The following PIK3C2G variants were observed in gnomAD, a reference collection of about 807,000 sequenced individuals.
PIK3C2G encodes the protein phosphatidylinositol 3-kinase C2 domain-containing subunit gamma.
In PIK3C2G, 168 loss-of-function variants were observed where a neutral mutation model predicts 181.1. The observed-to-expected ratio is 0.93, with a 90% CI of 0.82 to 1.05. PIK3C2G has a LOEUF of 1.05. Among genes scored for constraint, PIK3C2G ranks in the 50% least tolerant of loss-of-function variants. PIK3C2G has a pLI of 0.00. For synonymous variants in PIK3C2G, 573 were observed against 592.2 expected (o/e 0.97, Z 0.47); for missense variants, 1,869 against 1,732.8 (o/e 1.08, Z -1.40).
rs757591918 is a variant in PIK3C2G at position 18,609,545 on chromosome 12, T to A, written c.4098T>A (p.Phe1366Leu). Residue 1366 changes from phenylalanine to leucine, a missense_variant, in exon 31 of 33, where the codon TTT becomes TTA. Transcript: ENST00000538779. ...ESSPVYLGEK[F>L]PDKKPKVQLV... ...CTATTCTTTTATCAGGTGAGAAGTT[T>A]CCAGACAAGAAGCCTAAGGTGCAGT... The A allele has an allele frequency of 6.3e-7, 1 of 1,577,846 alleles. No homozygotes were observed. Among genetic ancestry groups the A allele is most frequent in the South Asian group, 1.2e-5 (1 of 86,218 alleles).
chr12:18,287,003 C>A, intron 3 of PIK3C2G, 74 bp downstream of exon 3: 1 of 617,360 alleles, frequency 1.6e-6, no homozygotes, highest in Non-Finnish European at 2.6e-6. Flanking sequence ...CATCACTGAA[C>A]TGATTAATTT....
intron 30 of PIK3C2G, among the ~76,000 whole-genome samples, chr12:18,609,022 G>A (rs984714608): frequency 2.0e-5 from 3 of 152,028 alleles, no homozygotes; most frequent in Admixed American, 6.6e-5. Context: ...CTTACTACGT[G>A]ACAACTTTTG....
chr12:18,517,031 C>CTT (rs3983627), intron 24 of PIK3C2G, among the ~76,000 whole-genome samples: 17,680 of 139,680 alleles, frequency 0.13, 1,558 homozygotes, highest in South Asian at 0.37. Flanking sequence ...TTTGCTTTTC[C>CTT]TTTTTTTTTT....
At position 18,362,771 on chromosome 12, in the gene PIK3C2G, G is replaced by A. The variant is rs1941355434; in HGVS notation, c.1633G>A (p.Ala545Thr). 6.6e-7 allele frequency: 1 copy of A among 1,516,566 alleles called. No homozygotes were observed. The highest frequency in any genetic ancestry group is 8.8e-7 in the Non-Finnish European group (1 of 1,140,956). The allele number at this position is 1,516,566 out of a possible 1,614,324, so 93.9% of individuals were successfully genotyped here. Residue 545 changes from alanine (A) to threonine (T), a missense_variant, in exon 12 of 33, where the codon GCG (alanine) becomes ACG (threonine). Transcript: ENST00000538779. ...IPETWVHSYK[A>T]FSFTCWLTYA... ...GATGTTGTTTCATTTTAGCTACAAA[G>A]CGTTTTCTTTTACCTGTTGGCTTAC...
At chr12:18,626,427 G>A (rs534518524) in intron 31 of PIK3C2G, among the ~76,000 whole-genome samples, 1 of 151,796 alleles carries the variant, frequency 6.6e-6, no homozygotes, top group East Asian at 1.9e-4. Context: ...TTTGTGCCTG[G>A]GATAATATTA....
At chr12:18,514,973 T>C (rs1385953544) in intron 24 of PIK3C2G, among the ~76,000 whole-genome samples, 2 of 152,058 alleles carry the variant, frequency 1.3e-5, no homozygotes, top group Admixed American at 6.6e-5. Context: ...TATAAAATAC[T>C]TTTTCTATAA....
At chr12:18,384,952 G>A (rs1374552445) in intron 14 of PIK3C2G, among the ~76,000 whole-genome samples, 1 of 152,096 alleles carries the variant, frequency 6.6e-6, no homozygotes, top group East Asian at 1.9e-4. Flanking sequence ...ACCTTTAATA[G>A]TATCAGTTTA....
chr12:18,614,265 A>G (rs768451191), intron 31 of PIK3C2G, among the ~76,000 whole-genome samples: 22 of 152,130 alleles, frequency 1.4e-4, no homozygotes, highest in Non-Finnish European at 2.9e-4. Context: ...AAGGATAGTG[A>G]AGAGTACCTG....
At chr12:18,635,225 C>A (rs1436470609) in intron 31 of PIK3C2G, among the ~76,000 whole-genome samples, 1 of 152,232 alleles carries the variant, frequency 6.6e-6, no homozygotes, top group African/African-American at 2.4e-5. Context: ...CCTCTGTCAA[C>A]TGACCGCAGG....
intron 18 of PIK3C2G, among the ~76,000 whole-genome samples, chr12:18,476,264 C>T (rs1384182099): frequency 6.6e-6 from 1 of 151,952 alleles, no homozygotes; most frequent in Non-Finnish European, 1.5e-5. Context: ...ATACAGAGGA[C>T]AGGGCAAGGC....
chr12:18,442,173 T>C (rs1266415562), intron 18 of PIK3C2G, among the ~76,000 whole-genome samples: 1 of 150,376 alleles, frequency 6.6e-6, no homozygotes, highest in Non-Finnish European at 1.5e-5. Context: ...AAATGAAAGA[T>C]ATATTGATAT....
the PIK3C2G span, among the ~76,000 whole-genome samples, chr12:18,706,894 C>T: frequency 1.3e-5 from 2 of 152,204 alleles, no homozygotes; most frequent in African/African-American, 4.8e-5. Context: ...AAATCAGTTT[C>T]ACTGGTCTCA....
intron 7 of PIK3C2G, among the ~76,000 whole-genome samples, chr12:18,321,623 G>A (rs1175381405): frequency 1.3e-5 from 2 of 152,050 alleles, no homozygotes; most frequent in Non-Finnish European, 2.9e-5. Flanking sequence ...AGTGTGGGAG[G>A]TACAGGTCAT....
intron 14 of PIK3C2G, among the ~76,000 whole-genome samples, chr12:18,387,998 A>G (rs943575705): frequency 3.3e-5 from 5 of 152,218 alleles, no homozygotes; most frequent in African/African-American, 1.2e-4. Flanking sequence ...TACTTTTTCT[A>G]ACATTTTAGT....
chr12:18,248,408 T>TA (rs896579291), intron 1 of PIK3C2G, among the ~76,000 whole-genome samples: 18 of 151,604 alleles, frequency 1.2e-4, no homozygotes, highest in South Asian at 8.4e-4. Flanking sequence ...CCGTCTCTAC[T>TA]AAAAAAAATA....
chr12:18,389,357 A>AAG (rs906140940), intron 14 of PIK3C2G, among the ~76,000 whole-genome samples: 10 of 151,926 alleles, frequency 6.6e-5, no homozygotes, highest in African/African-American at 2.4e-4. Context: ...CATCTCAAAA[A>AAG]AAAAAAAAAG....
At chr12:18,723,623 G>T in the PIK3C2G span, 1 of 1,058,392 alleles carries the variant, frequency 9.4e-7, no homozygotes, top group Non-Finnish European at 1.4e-6. Flanking sequence ...TATGTAACAT[G>T]TAGTAATTTA....
the PIK3C2G span, chr12:18,705,464 G>T: frequency 1.1e-6 from 1 of 933,468 alleles, no homozygotes; most frequent in South Asian, 1.6e-5. Context: ...AAGTACTTTT[G>T]AGTTTGGCAA....
intron 11 of PIK3C2G, among the ~76,000 whole-genome samples, chr12:18,354,592 G>A (rs1239983879): frequency 6.6e-6 from 1 of 152,212 alleles, no homozygotes; most frequent in Non-Finnish European, 1.5e-5. Context: ...TTACAGAAAA[G>A]TTCCAACTGC....
Sources: allele counts gnomAD v4.1 joint callset (sites outside exome capture counted in the v4.1 genomes callset), GRCh38; gene constraint gnomAD v4.1.1; transcripts MANE v1.5; gene names NCBI Gene and HGNC (gene_info 2026-07-23, HGNC 2026-07-21).